Variants in SMAD4 observed in about 807,000 individuals in gnomAD.
SMAD4 encodes SMAD family member 4.
Under a neutral mutation model 63.2 loss-of-function variants are expected in SMAD4, and 7 were observed. The ratio of observed to expected loss-of-function variants is 0.11; its 90% CI spans 0.06 to 0.21. The LOEUF (loss-of-function observed/expected upper bound fraction) is 0.21. Ranked by LOEUF, SMAD4 falls within the 10% of genes least tolerant of loss-of-function variation. SMAD4 has a pLI of 1.00. For synonymous variants in SMAD4, 215 were observed against 235.4 expected, an observed-to-expected ratio of 0.91 and a Z score of 0.79; for missense variants, 312 against 693.8, an observed-to-expected ratio of 0.45 and a Z score of 6.18.
intron 8 of SMAD4, among the ~76,000 whole-genome samples, chr18:51,063,043 G>A (rs1302245428): frequency 1.3e-5 from 2 of 151,028 alleles, no homozygotes; most frequent in Admixed American, 1.3e-4. Context: ...TAGTAGAGAC[G>A]GGGTTTCACT....
chr18:51,079,280 A>G lies in SMAD4; in HGVS notation c.*813A>G, dbSNP rs1241872544. 38 of 233,202 alleles carry G rather than the reference A, an allele frequency of 1.6e-4. 1 individual carries two copies. In the East Asian group the frequency reaches 2.3e-3, roughly 14 times the overall value. 14.4% of individuals were successfully genotyped at this position (233,202 alleles called of 1,614,324 possible). A position where few individuals can be genotyped will look rare whatever the true frequency, so the allele number is the denominator to read the frequency against. On this transcript the variant is annotated 3_prime_UTR_variant, in exon 12 of 12. Coordinates refer to ENST00000342988, the MANE Select transcript of SMAD4 (RefSeq NM_005359.6). ...GGTTGGTTGCTAAGAAGCCTATAAGAGGAATTTCTTTTCCTTCATTCATAG... is the reference window on the plus strand; with the variant it reads ...GGTTGGTTGCTAAGAAGCCTATAAGGGGAATTTCTTTTCCTTCATTCATAG...
intron 5 of SMAD4, among the ~76,000 whole-genome samples, chr18:51,055,275 T>C (rs1202396221): frequency 6.6e-6 from 1 of 152,180 alleles, no homozygotes; most frequent in Non-Finnish European, 1.5e-5. Flanking sequence ...TGGAGAAATA[T>C]TTAAATAATT....
intron 4 of SMAD4, chr18:51,051,360 A>G (rs1430282550): frequency 4.4e-6 from 2 of 456,160 alleles, no homozygotes; most frequent in Non-Finnish European, 8.8e-6. Context: ...TCAGAAAACA[A>G]CTGGTATTTC....
intron 2 of SMAD4, among the ~76,000 whole-genome samples, chr18:51,048,416 C>T (rs1909609076): frequency 6.6e-6 from 1 of 152,202 alleles, no homozygotes; most frequent in African/African-American, 2.4e-5. Flanking sequence ...CCTTGGCCTC[C>T]CAAAGTGATA....
In SMAD4 at chr18:51,066,277, G is replaced by A. The variant is rs575257235; in HGVS notation, c.1139+671G>A. On this transcript the variant is annotated intron_variant, in intron 9 of 11. Transcript: ENST00000342988. ...GAGAATTGCTTGAACCCAGGAGGTG[G>A]AGGTTGCAGTGAGCTGAGATCGTGC... 5.3e-4 allele frequency among the ~76,000 whole-genome samples: 81 copies of A among 151,524 alleles called. No homozygotes were observed. The Middle Eastern group carries it at 0.01, about 19-fold the overall frequency.
chr18:51,044,235 C>G (rs111648182), intron 1 of SMAD4, among the ~76,000 whole-genome samples: 3 of 152,122 alleles, frequency 2.0e-5, no homozygotes, highest in Non-Finnish European at 4.4e-5. Context: ...GCCTTCAACT[C>G]CTGAGCTCAA....
At chr18:51,039,764 CA>C (rs1447068406) in intron 1 of SMAD4, among the ~76,000 whole-genome samples, 2 of 151,836 alleles carry the variant, frequency 1.3e-5, no homozygotes, top group Non-Finnish European at 2.9e-5. Flanking sequence ...TTTATTAATC[CA>C]AAAAGGGTAA....
At chr18:51,055,859 C>G (rs1384772641) in intron 5 of SMAD4, among the ~76,000 whole-genome samples, 1 of 152,002 alleles carries the variant, frequency 6.6e-6, no homozygotes, top group Non-Finnish European at 1.5e-5. Context: ...CCGAAAGTAC[C>G]ATTATTGTAT....
chr18:51,053,117 T>G (rs1217557671), intron 4 of SMAD4: 2 of 152,182 alleles, frequency 1.3e-5, no homozygotes, highest in African/African-American at 4.8e-5. Context: ...AGAATACAGT[T>G]GGTACATAAA....
In SMAD4 at chr18:51,078,257, T is replaced by G. The variant is rs745598003; in HGVS notation, c.1449T>G (p.Ser483Arg). 1.9e-6 allele frequency: 3 copies of G among 1,613,896 alleles called. No homozygotes were observed. The South Asian group carries it at 3.3e-5, about 18-fold the overall frequency. Reference protein sequence around the residue: ...GSVGGIAPAISLSAAAGIGVD... With the variant: ...GSVGGIAPAIRLSAAAGIGVD... Reference sequence around the variant, plus strand: ...TGTCTTCCAAATCTTTTCTGTTAGGTCTGTCAGCTGCTGCTGGAATTGGTG... The same window carrying G: ...TGTCTTCCAAATCTTTTCTGTTAGGGCTGTCAGCTGCTGCTGGAATTGGTG... Residue 483 changes from serine to arginine, a missense_variant and splice_region_variant, in exon 12 of 12, where the codon AGT (serine) becomes AGG (arginine). Ser to Arg is a moderately radical substitution (Grantham distance 110). Coordinates refer to ENST00000342988, the MANE Select transcript of SMAD4 (RefSeq NM_005359.6).
chr18:51,054,666 T>G, intron 4 of SMAD4, 115 bp from the exon 5 acceptor site: 1 of 702,646 alleles, frequency 1.4e-6, no homozygotes, highest in African/African-American at 1.8e-5. Flanking sequence ...GAATTAAGGT[T>G]AGTAATTTAC....
chr18:51,079,317 G>A lies in SMAD4; in HGVS notation c.*850G>A, dbSNP rs886053898. On this transcript the variant is annotated 3_prime_UTR_variant, in exon 12 of 12. Transcript: ENST00000342988. ...TCCTTCATTCATAGGGAAAGGTTTTGTATTTTTTAAAACACTAAAAGCAGC... is the reference window on the plus strand; with the variant it reads ...TCCTTCATTCATAGGGAAAGGTTTTATATTTTTTAAAACACTAAAAGCAGC... The A allele has an allele frequency of 1.3e-5, 3 of 233,162 alleles. No individual in the cohort carries two copies. The Admixed American group carries it at 1.7e-4, about 13-fold the overall frequency. The allele number at this position is 233,162 out of a possible 1,614,324, so 14.4% of individuals were successfully genotyped here.
chr18:51,047,624 T>C (rs2509995), intron 2 of SMAD4, among the ~76,000 whole-genome samples: 8 of 151,838 alleles, frequency 5.3e-5, no homozygotes, highest in African/African-American at 1.2e-4. Flanking sequence ...TTTTTTTTTT[T>C]CCTAGACGGA....
At chr18:51,035,306 C>T (rs1488122924) in intron 1 of SMAD4, among the ~76,000 whole-genome samples, 2 of 152,094 alleles carry the variant, frequency 1.3e-5, no homozygotes, top group African/African-American at 4.8e-5. Context: ...AGTTGATTTT[C>T]TTTTAAAGTA....
chr18:51,084,299 C>T lies in SMAD4; in HGVS notation c.*5832C>T, dbSNP rs1004023340. The T allele has an allele frequency of 7.1e-5, 16 of 226,866 alleles. 1 individual carries two copies. Among genetic ancestry groups the T allele is most frequent in the East Asian group, 1.3e-4 (2 of 15,996 alleles). 14.1% of individuals were successfully genotyped at this position (226,866 alleles called of 1,614,324 possible). A position where few individuals can be genotyped will look rare whatever the true frequency, so the allele number is the denominator to read the frequency against. ...TCAAAACAAGGAAATTCCCTTGAAC[C>T]GTGTCAATTAAACTGGTTTATATGA... is the stretch of plus-strand genomic sequence containing the variant. On this transcript the variant is annotated 3_prime_UTR_variant, in exon 12 of 12. Coordinates refer to ENST00000342988, the MANE Select transcript of SMAD4 (RefSeq NM_005359.6).
At chr18:51,056,435 G>A (rs548695247) in intron 5 of SMAD4, among the ~76,000 whole-genome samples, 1 of 151,910 alleles carries the variant, frequency 6.6e-6, no homozygotes, top group Non-Finnish European at 1.5e-5. Context: ...ATCGAATACC[G>A]TAAATACTGT....
chr18:51,082,419 A>G lies in SMAD4; in HGVS notation c.*3952A>G, dbSNP rs1910632328. On this transcript the variant is annotated 3_prime_UTR_variant, in exon 12 of 12. Coordinates refer to ENST00000342988, the MANE Select transcript of SMAD4 (RefSeq NM_005359.6). ...AGTCCATGGCCTTATTCATCCACAA[A>G]GTGGCATCCTAGGCCCAGCCTTATC... The G allele has an allele frequency of 4.4e-6, 1 of 229,498 alleles. No homozygotes were observed. Among genetic ancestry groups the G allele is most frequent in the East Asian group, 6.2e-5 (1 of 16,100 alleles). The allele number at this position is 229,498 out of a possible 1,614,324, so 14.2% of individuals were successfully genotyped here.
intron 1 of SMAD4, among the ~76,000 whole-genome samples, chr18:51,040,628 C>T (rs1909348562): frequency 6.6e-6 from 1 of 152,178 alleles, no homozygotes; most frequent in African/African-American, 2.4e-5. Context: ...CTCTCTCTGG[C>T]CAGTATTCAG....
intron 1 of SMAD4, among the ~76,000 whole-genome samples, chr18:51,030,840 C>T (rs1215831227): frequency 1.3e-5 from 2 of 151,688 alleles, no homozygotes; most frequent in East Asian, 3.9e-4. Context: ...CCTCGGGCCC[C>T]CAGCTCCGCT....
Sources: allele counts gnomAD v4.1 joint callset (sites outside exome capture counted in the v4.1 genomes callset), GRCh38; gene constraint gnomAD v4.1.1; transcripts MANE v1.5; gene names NCBI Gene and HGNC (gene_info 2026-07-23, HGNC 2026-07-21).